Variants in LRRC28 observed in about 807,000 individuals in gnomAD.
LRRC28 encodes the protein leucine-rich repeat-containing protein 28.
Under a neutral mutation model 45.7 loss-of-function variants are expected in LRRC28, and 39 were observed. The observed-to-expected ratio is 0.85, with a 90% confidence interval of 0.66 to 1.12. The LOEUF (loss-of-function observed/expected upper bound fraction) is 1.12, where lower values mean the gene tolerates loss of function less well. LRRC28 is among the 50% of genes most tolerant of loss of function. LRRC28 has a pLI of 0.00. For missense variants in LRRC28, 435 were observed against 438.5 expected (o/e 0.99, Z 0.07); for synonymous variants, 206 against 178.8 (o/e 1.15, Z -1.22).
At chr15:99,369,782 C>T (rs1336389632) in intron 9 of LRRC28, among the ~76,000 whole-genome samples, 1 of 152,204 alleles carries the variant, frequency 6.6e-6, no homozygotes, top group Non-Finnish European at 1.5e-5. Flanking sequence ...AAAGGTCTTA[C>T]TTTAATCACC....
intron 3 of LRRC28, among the ~76,000 whole-genome samples, chr15:99,284,250 A>C (rs1312679392): frequency 6.6e-6 from 1 of 152,150 alleles, no homozygotes; most frequent in Non-Finnish European, 1.5e-5. Flanking sequence ...GGTGATTCTA[A>C]TGTGCAGTCA....
chr15:99,358,235 TATCAC>T (rs775107980), intron 7 of LRRC28, among the ~76,000 whole-genome samples: 12 of 152,130 alleles, frequency 7.9e-5, no homozygotes, highest in Non-Finnish European at 1.3e-4. Flanking sequence ...CAGTAATAAA[TATCAC>T]AAGAAAGGAA....
intron 6 of LRRC28, among the ~76,000 whole-genome samples, chr15:99,341,047 C>G (rs1956490059): frequency 6.7e-6 from 1 of 148,972 alleles, no homozygotes; most frequent in Admixed American, 6.7e-5. Flanking sequence ...CTTCTTTATC[C>G]TTGTTCTGCT....
At chr15:99,273,103 C>G (rs62023777) in intron 2 of LRRC28, among the ~76,000 whole-genome samples, 12,531 of 152,204 alleles carry the variant, frequency 0.082, 568 homozygotes, top group African/African-American at 0.11. Flanking sequence ...AGCTACATTG[C>G]TAAAAATATG....
chr15:99,329,209 A>G (rs1597358095), intron 5 of LRRC28, among the ~76,000 whole-genome samples: 1 of 152,202 alleles, frequency 6.6e-6, no homozygotes, highest in Non-Finnish European at 1.5e-5. Context: ...ATAAATTTTA[A>G]AATATAATTG....
At chr15:99,327,987 G>T (rs1185698199) in intron 5 of LRRC28, among the ~76,000 whole-genome samples, 2 of 152,164 alleles carry the variant, frequency 1.3e-5, no homozygotes, top group Non-Finnish European at 2.9e-5. Flanking sequence ...ATTTAGAAGT[G>T]TGTTGTTTAA....
intron 5 of LRRC28, among the ~76,000 whole-genome samples, chr15:99,328,975 T>C (rs1311381535): frequency 6.6e-6 from 1 of 151,980 alleles, no homozygotes; most frequent in African/African-American, 2.4e-5. Flanking sequence ...GGACTTCTCA[T>C]ACATGAACTG....
chr15:99,342,274 C>A (rs1348115312), intron 6 of LRRC28, among the ~76,000 whole-genome samples: 2 of 152,174 alleles, frequency 1.3e-5, no homozygotes, highest in African/African-American at 2.4e-5. Context: ...TCACCCTTAG[C>A]CCCCGGGGAA....
chr15:99,284,528 C>G, intron 3 of LRRC28: 1 of 456,574 alleles, frequency 2.2e-6, no homozygotes, highest in East Asian at 6.8e-5. Flanking sequence ...CACCACTGTG[C>G]TTGGCTGAGT....
intron 1 of LRRC28, 183 bp downstream of exon 1, chr15:99,251,724 G>T (rs1330615065): frequency 6.6e-6 from 1 of 152,340 alleles, no homozygotes; most frequent in East Asian, 1.9e-4. Flanking sequence ...TCTGCGGCCC[G>T]CGGCCCCTGG....
chr15:99,387,158 T>G lies in LRRC28; in HGVS notation c.*1056T>G, dbSNP rs930123540. 2.0e-5 allele frequency: 3 copies of G among 149,698 alleles called. No homozygotes were observed. Among genetic ancestry groups the G allele is most frequent in the Non-Finnish European group, 4.5e-5 (3 of 67,246 alleles). The allele number at this position is 149,698 out of a possible 1,614,324, so 9.3% of individuals were successfully genotyped here. A position where few individuals can be genotyped will look rare whatever the true frequency, so the allele number is the denominator to read the frequency against. ...TCACTGCAAGCTCCGCCTCCCGGGT[T>G]CACGCCATTCTCCTGCCTCAGCCTC... On this transcript the variant is annotated 3_prime_UTR_variant, in exon 10 of 10. Transcript: ENST00000301981.
intron 6 of LRRC28, among the ~76,000 whole-genome samples, chr15:99,351,606 C>T (rs1956880938): frequency 3.3e-5 from 5 of 152,144 alleles, no homozygotes. Context: ...CTGTCTATTC[C>T]TACATCTGCC....
At chr15:99,259,757 G>T (rs1389366567) in intron 2 of LRRC28, 4 of 1,398,746 alleles carry the variant, frequency 2.9e-6, no homozygotes, top group Non-Finnish European at 4.1e-6. Context: ...GGATCTTGCT[G>T]TGGTTTTGTT....
chr15:99,332,952 A>G (rs917946884), intron 5 of LRRC28, among the ~76,000 whole-genome samples: 20 of 151,996 alleles, frequency 1.3e-4, no homozygotes, highest in African/African-American at 4.8e-4. Context: ...AGGAGGAATG[A>G]CTCGGGAACA....
chr15:99,377,609 T>A (rs534634351), intron 9 of LRRC28, among the ~76,000 whole-genome samples: 2,784 of 152,286 alleles, frequency 0.018, 90 homozygotes, highest in African/African-American at 0.064. Flanking sequence ...AGACATGAAG[T>A]CCTTGCCCAT....
At chr15:99,272,187 G>T (rs1165160310) in intron 2 of LRRC28, among the ~76,000 whole-genome samples, 1 of 152,168 alleles carries the variant, frequency 6.6e-6, no homozygotes, top group Admixed American at 6.5e-5. Flanking sequence ...GATGGAGCAG[G>T]TTTTGCCAAA....
chr15:99,290,259 A>C (rs2082085628), intron 5 of LRRC28, among the ~76,000 whole-genome samples: 1 of 143,788 alleles, frequency 7.0e-6, no homozygotes, highest in Non-Finnish European at 1.5e-5. Flanking sequence ...ACCCTGCCTC[A>C]AAAAAAAAAG....
At chr15:99,338,725 G>T (rs1462276226) in intron 6 of LRRC28, among the ~76,000 whole-genome samples, 1 of 152,158 alleles carries the variant, frequency 6.6e-6, no homozygotes, top group Non-Finnish European at 1.5e-5. Context: ...TAAGATTATA[G>T]CCTCTTCAAA....
intron 5 of LRRC28, among the ~76,000 whole-genome samples, chr15:99,291,222 A>G (rs970674936): frequency 2.0e-5 from 3 of 152,196 alleles, no homozygotes; most frequent in Non-Finnish European, 2.9e-5. Flanking sequence ...CGAGGCATAT[A>G]CTTGTGATTT....
Sources: gnomAD v4.1 joint callset for allele counts (sites outside exome capture counted in the v4.1 genomes callset) on GRCh38, gnomAD v4.1.1 for gene constraint, MANE v1.5 for transcripts, NCBI Gene and HGNC (gene_info 2026-07-23, HGNC 2026-07-21) for gene names.